The following MEOX2 variants were observed in gnomAD, a reference collection of about 807,000 sequenced individuals.
MEOX2 encodes homeobox protein MOX-2.
A neutral mutation model predicts 27.0 loss-of-function variants in MEOX2; 11 were observed. The ratio of observed to expected loss-of-function variants is 0.41; its 90% CI spans 0.26 to 0.68. The LOEUF is 0.68. MEOX2 is among the 30% of genes least tolerant of loss of function. The probability of loss-of-function intolerance (pLI) is 0.33; values close to 1 mark genes in which losing one functional copy is unlikely to be tolerated. For missense variants in MEOX2, 436 were observed against 385.4 expected (o/e 1.13, Z -1.10); for synonymous variants, 189 against 155.4 (o/e 1.22, Z -1.61).
intron 2 of MEOX2, among the ~76,000 whole-genome samples, chr7:15,618,713 T>C (rs1482577731): frequency 6.6e-6 from 1 of 151,892 alleles, no homozygotes; most frequent in Non-Finnish European, 1.5e-5. Context: ...TTTGATTATT[T>C]ATGATTGTTT....
chr7:15,612,249 A>T lies in MEOX2; in HGVS notation c.*138T>A. 1 of 723,354 alleles carries T rather than the reference A, an allele frequency of 1.4e-6. No homozygotes were observed. The highest frequency in any genetic ancestry group is 2.3e-6 in the Non-Finnish European group (1 of 436,608). 44.8% of individuals were successfully genotyped at this position (723,354 alleles called of 1,614,324 possible). ...TTGTGTAAACCCTCTATAAATCATG[A>T]AAAACAGATTCGAAATGCCTGGATT... On this transcript the variant is annotated 3_prime_UTR_variant, in exon 3 of 3. Coordinates refer to ENST00000262041, the MANE Select transcript of MEOX2 (RefSeq NM_005924.5).
At chr7:15,662,411 T>C (rs1181149906) in intron 1 of MEOX2, among the ~76,000 whole-genome samples, 2 of 152,046 alleles carry the variant, frequency 1.3e-5, no homozygotes, top group African/African-American at 4.8e-5. Context: ...TTTAAAAATC[T>C]GTATACCAAA....
chr7:15,640,750 A>C (rs1342713473), intron 1 of MEOX2, among the ~76,000 whole-genome samples: 1 of 152,114 alleles, frequency 6.6e-6, no homozygotes, highest in Non-Finnish European at 1.5e-5. Flanking sequence ...GCTGGATTTT[A>C]ACAAATGCTT....
chr7:15,644,690 G>T (rs993605419), intron 1 of MEOX2, among the ~76,000 whole-genome samples: 1 of 152,164 alleles, frequency 6.6e-6, no homozygotes, highest in African/African-American at 2.4e-5. Context: ...GCCTTGAAAA[G>T]AAAATCCAGA....
chr7:15,665,388 G>C (rs768557951), intron 1 of MEOX2, among the ~76,000 whole-genome samples: 12 of 152,170 alleles, frequency 7.9e-5, no homozygotes, highest in Non-Finnish European at 1.6e-4. Flanking sequence ...AGGAATTCAA[G>C]TAAGATGTCT....
chr7:15,674,826 A>G (rs1352010896), intron 1 of MEOX2, among the ~76,000 whole-genome samples: 1 of 152,096 alleles, frequency 6.6e-6, no homozygotes, highest in Non-Finnish European at 1.5e-5. Context: ...GGAGAGGAGG[A>G]GAAACAAGGA....
At chr7:15,654,367 CT>C (rs979892264) in intron 1 of MEOX2, among the ~76,000 whole-genome samples, 36 of 151,470 alleles carry the variant, frequency 2.4e-4, no homozygotes, top group African/African-American at 7.7e-4. Context: ...TAAGAACAGG[CT>C]TTTTTTTCTT....
rs186332612 is a variant in MEOX2, at chr7:15,642,387, T to C, written c.518-15469A>G. 1.4e-3 allele frequency among the ~76,000 whole-genome samples: 208 copies of C among 152,300 alleles called. 1 individual carries two copies. The highest frequency in any genetic ancestry group is 4.8e-3 in the African/African-American group (201 of 41,578). ...TCTTCAAGCTCTGAATTTCATTTTT[T>C]TCTGTTTGTTCTACTCTACTGCTAA... On this transcript the variant is annotated intron_variant, in intron 1 of 2. Transcript: ENST00000262041.
At chr7:15,643,546 G>T (rs570841156) in intron 1 of MEOX2, among the ~76,000 whole-genome samples, 2 of 152,282 alleles carry the variant, frequency 1.3e-5, no homozygotes, top group African/African-American at 2.4e-5. Context: ...TCATGCCCAG[G>T]GGAGTCTTCC....
rs762422855 is a variant in MEOX2 at position 15,632,113 on chromosome 7, G to T, written c.518-5195C>A. Among the ~76,000 whole-genome samples the T allele has an allele frequency of 2.0e-5, 3 of 151,888 alleles. No individual in the cohort carries two copies. In the East Asian group the frequency reaches 5.8e-4, roughly 29 times the overall value. ...ATACCTTAGATGTAGACGTTTCCTT[G>T]AAGTAGGTAATAAAATTTCCTTGGC... On this transcript the variant is annotated intron_variant, in intron 1 of 2. Transcript: ENST00000262041.
At chr7:15,671,114 A>G (rs1233076157) in intron 1 of MEOX2, among the ~76,000 whole-genome samples, 4 of 152,206 alleles carry the variant, frequency 2.6e-5, no homozygotes, top group African/African-American at 9.7e-5. Flanking sequence ...TAAATGCTGT[A>G]ATTTTCCAAT....
intron 1 of MEOX2, among the ~76,000 whole-genome samples, chr7:15,636,890 C>T (rs551451681): frequency 5.3e-5 from 8 of 151,916 alleles, no homozygotes; most frequent in African/African-American, 1.9e-4. Flanking sequence ...TTCATATAAG[C>T]CCTTTTCATA....
chr7:15,616,981 C>T (rs7793310), intron 2 of MEOX2, among the ~76,000 whole-genome samples: 101,642 of 151,236 alleles, frequency 0.67, 34,346 homozygotes, highest in East Asian at 0.81. Context: ...TCACACCTGT[C>T]CTTTTAGGTT....
chr7:15,673,703 T>C lies in MEOX2; in HGVS notation c.517+12183A>G, dbSNP rs574034933. Among the ~76,000 whole-genome samples, 147 of 151,592 alleles carry C rather than the reference T, an allele frequency of 9.7e-4. 3 individuals are homozygous for C. The South Asian group carries it at 0.029, about 30-fold the overall frequency. ...AGGTTGTACCGATTAAGATGAGAGATTGTAGACAGAAATCCATTAAAATAT... is the reference window on the plus strand; with the variant it reads ...AGGTTGTACCGATTAAGATGAGAGACTGTAGACAGAAATCCATTAAAATAT... On this transcript the variant is annotated intron_variant, in intron 1 of 2. Transcript: ENST00000262041.
chr7:15,655,280 T>C (rs917431554), intron 1 of MEOX2, among the ~76,000 whole-genome samples: 2 of 151,760 alleles, frequency 1.3e-5, no homozygotes, highest in Non-Finnish European at 3.0e-5. Flanking sequence ...TTTTTCATTA[T>C]CTGTCTTCCT....
At chr7:15,660,258 G>A (rs761291638) in intron 1 of MEOX2, among the ~76,000 whole-genome samples, 4 of 152,138 alleles carry the variant, frequency 2.6e-5, no homozygotes, top group South Asian at 2.1e-4. Flanking sequence ...ACTAAAACTA[G>A]CCCATGGAGA....
chr7:15,612,575 T>C lies in MEOX2; in HGVS notation c.727A>G (p.Lys243Glu). The C allele has an allele frequency of 6.2e-7, 1 of 1,614,076 alleles. No individual in the cohort carries two copies. The highest frequency in any genetic ancestry group is 8.5e-7 in the Non-Finnish European group (1 of 1,180,016). ...VWFQNRRMKW[K>E]RVKGGQQGAA... Reference sequence around the variant, plus strand: ...CCTTGCTGTCCACCCTTTACCCTCTTCCACTTCATCCGCCTGTTTTGGAAC... The same window carrying C: ...CCTTGCTGTCCACCCTTTACCCTCTCCCACTTCATCCGCCTGTTTTGGAAC... Residue 243 changes from lysine to glutamate, a missense_variant, in exon 3 of 3, where the codon AAG (lysine) becomes GAG (glutamate). Coordinates refer to ENST00000262041, the MANE Select transcript of MEOX2 (RefSeq NM_005924.5).
intron 1 of MEOX2, among the ~76,000 whole-genome samples, chr7:15,657,747 A>T (rs1029964645): frequency 6.6e-6 from 1 of 152,214 alleles, no homozygotes; most frequent in African/African-American, 2.4e-5. Context: ...TCAACTTTAG[A>T]TTTACCTAGT....
chr7:15,625,973 A>G (rs572120798), intron 2 of MEOX2, among the ~76,000 whole-genome samples: 11 of 152,300 alleles, frequency 7.2e-5, no homozygotes, highest in Middle Eastern at 3.4e-3. Flanking sequence ...ACTGACACCG[A>G]TACAATTTCA....
Sources: allele counts gnomAD v4.1 joint callset (sites outside exome capture counted in the v4.1 genomes callset), GRCh38; gene constraint gnomAD v4.1.1; transcripts MANE v1.5; gene names NCBI Gene and HGNC (gene_info 2026-07-23, HGNC 2026-07-21).